The following CADM2 variants were observed in gnomAD, a reference collection of about 807,000 sequenced individuals.
The protein encoded by CADM2 is cell adhesion molecule 2, also known as immunoglobulin superfamily member 4D.
CADM2 carries 12 observed loss-of-function variants against 49.8 expected under a neutral mutation model. That is an observed-to-expected ratio of 0.24 (90% CI 0.15 to 0.39). The LOEUF is 0.39. CADM2 is among the 10% of genes least tolerant of loss of function. The probability of loss-of-function intolerance (pLI) is 1.00; values close to 1 mark genes in which losing one functional copy is unlikely to be tolerated. For synonymous variants in CADM2, 214 were observed against 175.4 expected (o/e 1.22, Z -1.74); for missense variants, 378 against 492.3 (o/e 0.77, Z 2.20).
At chr3:85,616,752 A>G (rs1045056073) in intron 1 of CADM2, among the ~76,000 whole-genome samples, 1 of 152,164 alleles carries the variant, frequency 6.6e-6, no homozygotes, top group African/African-American at 2.4e-5. Context: ...ATTGAAATAG[A>G]TTTTTGTAAT....
intron 5 of CADM2, among the ~76,000 whole-genome samples, chr3:85,895,691 G>T (rs1315231002): frequency 1.3e-5 from 2 of 152,112 alleles, no homozygotes; most frequent in African/African-American, 4.8e-5. Flanking sequence ...ATGAATCGTG[G>T]GGGAAGTTTT....
At chr3:85,821,781 C>T (rs12487728) in intron 3 of CADM2, among the ~76,000 whole-genome samples, 28,808 of 151,850 alleles carry the variant, frequency 0.19, 3,068 homozygotes, top group South Asian at 0.31. Context: ...ACAAATAATG[C>T]TTTTGTAATG....
chr3:85,254,781 G>A (rs533681868), intron 1 of CADM2, among the ~76,000 whole-genome samples: 1 of 152,148 alleles, frequency 6.6e-6, no homozygotes, highest in East Asian at 1.9e-4. Context: ...TGAGTGGAAA[G>A]GGCTGTATGG....
intron 1 of CADM2, among the ~76,000 whole-genome samples, chr3:85,309,038 A>G (rs1213802922): frequency 6.6e-6 from 1 of 152,088 alleles, no homozygotes; most frequent in Non-Finnish European, 1.5e-5. Flanking sequence ...AGCCCAAATT[A>G]AGCTCTTTTA....
At chr3:84,996,457 A>G (rs2033183751) in intron 1 of CADM2, among the ~76,000 whole-genome samples, 1 of 152,114 alleles carries the variant, frequency 6.6e-6, no homozygotes, top group African/African-American at 2.4e-5. Flanking sequence ...ACTTGTCTTA[A>G]TTAGACTAGC....
chr3:85,728,809 A>C (rs910862067), intron 2 of CADM2, among the ~76,000 whole-genome samples: 1 of 152,194 alleles, frequency 6.6e-6, no homozygotes, highest in Non-Finnish European at 1.5e-5. Flanking sequence ...TCATTTTGAC[A>C]TCAATTTCCC....
At chr3:85,580,313 C>A (rs1293423414) in intron 1 of CADM2, among the ~76,000 whole-genome samples, 1 of 152,002 alleles carries the variant, frequency 6.6e-6, no homozygotes, top group East Asian at 1.9e-4. Context: ...TTTAATATTT[C>A]TTTTGTTCCA....
At chr3:85,055,784 C>T (rs2036057777) in intron 1 of CADM2, among the ~76,000 whole-genome samples, 1 of 151,936 alleles carries the variant, frequency 6.6e-6, no homozygotes, top group Non-Finnish European at 1.5e-5. Context: ...TCATGGAGCA[C>T]ACTTTGAGTA....
chr3:85,885,520 A>G (rs1034630387), intron 4 of CADM2, among the ~76,000 whole-genome samples: 3 of 151,904 alleles, frequency 2.0e-5, no homozygotes, highest in African/African-American at 4.8e-5. Flanking sequence ...CGTATCTACT[A>G]AACGTACAAA....
intron 6 of CADM2, among the ~76,000 whole-genome samples, chr3:85,919,422 G>A (rs1718807495): frequency 6.6e-6 from 1 of 151,898 alleles, no homozygotes; most frequent in Admixed American, 6.6e-5. Context: ...AGGAAAATAA[G>A]CTGAAGTGTT....
chr3:85,097,895 G>T (rs2107537220), intron 1 of CADM2, among the ~76,000 whole-genome samples: 1 of 152,282 alleles, frequency 6.6e-6, no homozygotes, highest in East Asian at 1.9e-4. Flanking sequence ...TCAGAATCAG[G>T]TGGTGTGCTT....
At chr3:84,999,412 G>T (rs2033341592) in intron 1 of CADM2, among the ~76,000 whole-genome samples, 1 of 152,064 alleles carries the variant, frequency 6.6e-6, no homozygotes, top group Non-Finnish European at 1.5e-5. Context: ...TGTAACTCTT[G>T]CCTGAACACA....
intron 1 of CADM2, among the ~76,000 whole-genome samples, chr3:85,138,138 T>G (rs2039471867): frequency 6.6e-6 from 1 of 152,004 alleles, no homozygotes; most frequent in Non-Finnish European, 1.5e-5. Flanking sequence ...AATTCTTCAG[T>G]GAGTCATGCC....
chr3:85,475,559 G>A (rs569959608), intron 1 of CADM2, among the ~76,000 whole-genome samples: 59 of 151,656 alleles, frequency 3.9e-4, no homozygotes, highest in African/African-American at 1.4e-3. Context: ...GACTCATAAC[G>A]TAGTCATTAC....
chr3:85,399,062 C>T (rs989120021), intron 1 of CADM2, among the ~76,000 whole-genome samples: 1 of 152,180 alleles, frequency 6.6e-6, no homozygotes, highest in African/African-American at 2.4e-5. Context: ...GTGTTTTAGA[C>T]ATGAAGTCTT....
chr3:85,533,676 A>G (rs2061368151), intron 1 of CADM2, among the ~76,000 whole-genome samples: 1 of 152,174 alleles, frequency 6.6e-6, no homozygotes, highest in Admixed American at 6.5e-5. Flanking sequence ...CTAGACAGAA[A>G]CAGAGCGAAT....
At chr3:84,973,465 G>T (rs1231025109) in intron 1 of CADM2, among the ~76,000 whole-genome samples, 1 of 151,800 alleles carries the variant, frequency 6.6e-6, no homozygotes, top group African/African-American at 2.4e-5. Flanking sequence ...AATACAACTT[G>T]AAAGAACCTG....
intron 1 of CADM2, among the ~76,000 whole-genome samples, chr3:85,516,776 A>G (rs2060913296): frequency 1.3e-5 from 2 of 152,066 alleles, no homozygotes; most frequent in South Asian, 2.1e-4. Context: ...AAAATAATTT[A>G]TTTTTAAAAT....
At chr3:85,379,570 C>A (rs1388841661) in intron 1 of CADM2, among the ~76,000 whole-genome samples, 4 of 151,836 alleles carry the variant, frequency 2.6e-5, no homozygotes, top group Admixed American at 2.6e-4. Flanking sequence ...TTTCCTCTTG[C>A]TTTAATGATA....
Sources: allele counts gnomAD v4.1 joint callset (sites outside exome capture counted in the v4.1 genomes callset), GRCh38; gene constraint gnomAD v4.1.1; transcripts MANE v1.5; gene names NCBI Gene and HGNC (gene_info 2026-07-23, HGNC 2026-07-21).